Variants in OPCML observed in about 807,000 individuals in gnomAD.
OPCML encodes opioid binding protein/cell adhesion molecule like, also known as opioid-binding protein/cell adhesion molecule.
In OPCML, 13 loss-of-function variants were observed where a neutral mutation model predicts 37.8. That is an observed-to-expected ratio of 0.34 (90% CI 0.22 to 0.55). The LOEUF (loss-of-function observed/expected upper bound fraction) is 0.55. OPCML is among the 20% of genes least tolerant of loss of function. The probability of loss-of-function intolerance (pLI) is 0.91; values close to 1 mark genes in which losing one functional copy is unlikely to be tolerated. For synonymous variants in OPCML, 176 were observed against 168.8 expected (o/e 1.04, Z -0.33); for missense variants, 341 against 435.6 (o/e 0.78, Z 1.93).
At chr11:132,746,214 A>G (rs1945630346) in intron 2 of OPCML, among the ~76,000 whole-genome samples, 1 of 152,206 alleles carries the variant, frequency 6.6e-6, no homozygotes, top group African/African-American at 2.4e-5. Context: ...AGCCACTGCT[A>G]ACAACAGACA....
chr11:132,505,976 A>G (rs935149235), intron 4 of OPCML, among the ~76,000 whole-genome samples: 2 of 152,186 alleles, frequency 1.3e-5, no homozygotes, highest in Non-Finnish European at 2.9e-5. Context: ...CATCTCCCGG[A>G]AAGAATTTTC....
chr11:132,812,066 C>T (rs888946196), intron 2 of OPCML, among the ~76,000 whole-genome samples: 1 of 152,160 alleles, frequency 6.6e-6, no homozygotes, highest in Non-Finnish European at 1.5e-5. Context: ...TTTAGCCTAA[C>T]TTTTCTCATT....
At chr11:132,679,221 A>G (rs1377755685) in intron 2 of OPCML, among the ~76,000 whole-genome samples, 1 of 152,170 alleles carries the variant, frequency 6.6e-6, no homozygotes, top group African/African-American at 2.4e-5. Flanking sequence ...GAGATACTAT[A>G]TGACTCAGTA....
intron 2 of OPCML, among the ~76,000 whole-genome samples, chr11:132,935,141 GAAA>G (rs574227413): frequency 6.6e-5 from 6 of 90,236 alleles, no homozygotes; most frequent in African/African-American, 2.4e-4. Flanking sequence ...TTCCATCTCA[GAAA>G]AAAAAAAAAA....
chr11:133,337,931 T>C (rs1274831224), intron 1 of OPCML, among the ~76,000 whole-genome samples: 3 of 151,936 alleles, frequency 2.0e-5, no homozygotes, highest in African/African-American at 7.3e-5. Flanking sequence ...GGTTTCTGTC[T>C]CCTGCTTGGG....
chr11:132,805,742 A>C (rs921778464), intron 2 of OPCML, among the ~76,000 whole-genome samples: 1 of 152,240 alleles, frequency 6.6e-6, no homozygotes, highest in African/African-American at 2.4e-5. Context: ...ATTTGTTGAC[A>C]GCAGATTTTC....
chr11:133,334,860 G>A (rs1360923233), intron 1 of OPCML, among the ~76,000 whole-genome samples: 3 of 152,218 alleles, frequency 2.0e-5, no homozygotes, highest in Admixed American at 6.5e-5. Flanking sequence ...AGTCTGGGGC[G>A]GCCTTTGGGT....
intron 1 of OPCML, among the ~76,000 whole-genome samples, chr11:133,183,472 T>A (rs1278595254): frequency 6.6e-6 from 1 of 152,214 alleles, no homozygotes; most frequent in Non-Finnish European, 1.5e-5. Context: ...ACTTTGCTAG[T>A]ATTACTGAAT....
At chr11:133,005,865 C>T (rs1476495134) in intron 1 of OPCML, 14 of 985,274 alleles carry the variant, frequency 1.4e-5, no homozygotes, top group East Asian at 2.3e-4. Context: ...TTTTAATTTG[C>T]ACTTAATTGC....
At chr11:132,693,296 C>T (rs191232915) in intron 2 of OPCML, among the ~76,000 whole-genome samples, 2 of 152,264 alleles carry the variant, frequency 1.3e-5, no homozygotes, top group South Asian at 2.1e-4. Flanking sequence ...ATAAAACCCC[C>T]CTTCAGGACC....
chr11:133,229,959 A>G (rs188989232), intron 1 of OPCML, among the ~76,000 whole-genome samples: 1 of 152,204 alleles, frequency 6.6e-6, no homozygotes, highest in Admixed American at 6.5e-5. Flanking sequence ...GTATGCACGT[A>G]TTCTCACTTA....
chr11:133,060,188 C>T lies in OPCML; in HGVS notation c.62-117178G>A, dbSNP rs1044032729. 5.6e-4 allele frequency among the ~76,000 whole-genome samples: 85 copies of T among 150,986 alleles called. No homozygotes were observed. The South Asian group carries it at 9.0e-3, about 16-fold the overall frequency. On this transcript the variant is annotated intron_variant, in intron 1 of 7. Transcript: ENST00000524381. ...TCCCTCTCCCTCTCCCTCTCCCTCT[C>T]CTTCTCCCTCTCCCTCTCCCTCCCC... is the stretch of plus-strand genomic sequence containing the variant.
chr11:132,477,858 T>A (rs560390931), intron 4 of OPCML, among the ~76,000 whole-genome samples: 2 of 152,178 alleles, frequency 1.3e-5, no homozygotes, highest in African/African-American at 2.4e-5. Context: ...TTGGGGTGCA[T>A]AGAGTAATTT....
intron 2 of OPCML, among the ~76,000 whole-genome samples, chr11:132,722,358 C>T (rs1335490098): frequency 6.6e-6 from 1 of 151,792 alleles, no homozygotes; most frequent in African/African-American, 2.4e-5. Flanking sequence ...GAAGAAGCTA[C>T]CTGCATTTTT....
In OPCML at chr11:133,155,582, T is replaced by C. The variant is rs557193080; in HGVS notation, c.62-212572A>G. 6.3e-4 allele frequency among the ~76,000 whole-genome samples: 96 copies of C among 152,136 alleles called. 1 individual carries two copies. Among genetic ancestry groups the C allele is most frequent in the South Asian group, 1.0e-3 (5 of 4,830 alleles). The stretch of plus-strand genomic sequence containing the variant: ...CCCAAGCCTCCTTACTTCACCCGCA[T>C]ACCCAGCCCACACCCTCAGATTAAC... On this transcript the variant is annotated intron_variant, in intron 1 of 7. Coordinates refer to ENST00000524381, the MANE Select transcript of OPCML (RefSeq NM_001012393.5).
In OPCML at chr11:133,438,396, AAAAC is replaced by A. The variant is rs1299492265; in HGVS notation, c.61+93864_61+93867del. 1.4e-4 allele frequency among the ~76,000 whole-genome samples: 21 copies of A among 152,218 alleles called. 1 individual carries two copies. Among genetic ancestry groups the A allele is most frequent in the South Asian group, 6.2e-4 (3 of 4,830 alleles). ...AGGCAAGATCCAAACAAATAATGAAAAAACAAACAAACAAGCAAACAAAACCAGT... is the reference window on the plus strand; with the variant it reads ...AGGCAAGATCCAAACAAATAATGAAAAAACAAACAAGCAAACAAAACCAGT... On this transcript the variant is annotated intron_variant, in intron 1 of 7. Coordinates refer to ENST00000524381, the MANE Select transcript of OPCML (RefSeq NM_001012393.5).
rs892131749 is a variant in OPCML at position 133,047,417 on chromosome 11, G to A, written c.62-104407C>T. ...TTTGATAAATATGTTTCCTTGATTC[G>A]GTTGTTATTTATTATTCAATAATTG... On this transcript the variant is annotated intron_variant, in intron 1 of 7. Coordinates refer to ENST00000524381, the MANE Select transcript of OPCML (RefSeq NM_001012393.5). 4.6e-5 allele frequency among the ~76,000 whole-genome samples: 7 copies of A among 152,248 alleles called. No homozygotes were observed. The South Asian group carries it at 8.3e-4, about 18-fold the overall frequency.
intron 1 of OPCML, among the ~76,000 whole-genome samples, chr11:133,132,963 GA>G (rs928658087): frequency 2.6e-5 from 4 of 152,062 alleles, no homozygotes; most frequent in African/African-American, 9.7e-5. Context: ...GGGCTGGCAT[GA>G]AGTCCTGAAC....
At chr11:132,873,715 C>CAAAAAAAAAAAAAAAAAAAAAAAAAAAA (rs34642015) in intron 2 of OPCML, among the ~76,000 whole-genome samples, 1 of 111,254 alleles carries the variant, frequency 9.0e-6, no homozygotes, top group Non-Finnish European at 1.9e-5. Flanking sequence ...CAGTTGGGCA[C>CAAAAAAAAAAAAAAAAAAAAAAAAAAAA]AAAAAAAAAA....
Sources: allele counts gnomAD v4.1 joint callset (sites outside exome capture counted in the v4.1 genomes callset), GRCh38; gene constraint gnomAD v4.1.1; transcripts MANE v1.5; gene names NCBI Gene and HGNC (gene_info 2026-07-23, HGNC 2026-07-21).